Variants in ROBO2 observed in about 807,000 individuals in gnomAD.
ROBO2 encodes roundabout guidance receptor 2.
In ROBO2, 53 loss-of-function variants were observed where a neutral mutation model predicts 160.8. The observed-to-expected ratio is 0.33, with a 90% CI of 0.26 to 0.41. ROBO2 has a LOEUF of 0.41. ROBO2 is among the 10% of genes least tolerant of loss of function. The pLI is 1.00. For synonymous variants in ROBO2, 664 were observed against 611.7 expected, an observed-to-expected ratio of 1.09 and a Z score of -1.26; for missense variants, 1,577 against 1,722.4, an observed-to-expected ratio of 0.92 and a Z score of 1.49.
intron 2 of ROBO2, among the ~76,000 whole-genome samples, chr3:75,956,813 G>A (rs1188043129): frequency 2.0e-5 from 3 of 151,752 alleles, no homozygotes; most frequent in Admixed American, 1.3e-4. Context: ...TTGAATGGCA[G>A]CTCTTTTATT....
At chr3:76,406,793 T>C (rs1368515057) in intron 2 of ROBO2, among the ~76,000 whole-genome samples, 1 of 151,944 alleles carries the variant, frequency 6.6e-6, no homozygotes, top group Non-Finnish European at 1.5e-5. Flanking sequence ...TTTTTGTAGG[T>C]CCAGTCTATT....
Position 77,415,047 on chromosome 3 carries a change from A to T in ROBO2, c.389-62367A>T, listed in dbSNP as rs139875528. Among the ~76,000 whole-genome samples, 235 of 152,338 alleles carry T rather than the reference A, an allele frequency of 1.5e-3. 4 individuals carry two copies. The East Asian group carries it at 0.038, about 24-fold the overall frequency. On this transcript the variant is annotated intron_variant, in intron 2 of 25. Coordinates refer to ENST00000461745, the Ensembl canonical transcript of ROBO2. ...TTGAGGACTGCTCACTCCACCCATG[A>T]TCCCACAACAGGAAAGAATATTTAA...
At chr3:77,376,404 C>G (rs959018764) in intron 2 of ROBO2, among the ~76,000 whole-genome samples, 1 of 151,952 alleles carries the variant, frequency 6.6e-6, no homozygotes, top group African/African-American at 2.4e-5. Context: ...GTGATCCACC[C>G]ACCTCAGCCT....
At chr3:77,278,481 G>T (rs1012384992) in intron 2 of ROBO2, among the ~76,000 whole-genome samples, 18 of 152,082 alleles carry the variant, frequency 1.2e-4, no homozygotes, top group Non-Finnish European at 2.5e-4. Context: ...GCTAATTTAT[G>T]CAAGATGATG....
chr3:76,060,222 C>A (rs1456214069), intron 2 of ROBO2, among the ~76,000 whole-genome samples: 5 of 151,926 alleles, frequency 3.3e-5, no homozygotes, highest in Non-Finnish European at 7.4e-5. Flanking sequence ...AAATTATTAG[C>A]AATCACATCT....
At chr3:77,294,101 A>C (rs1234568863) in intron 2 of ROBO2, among the ~76,000 whole-genome samples, 1 of 141,584 alleles carries the variant, frequency 7.1e-6, no homozygotes, top group African/African-American at 2.6e-5. Flanking sequence ...TTGATGGTTA[A>C]ACGGGTAAGC....
intron 2 of ROBO2, among the ~76,000 whole-genome samples, chr3:77,118,418 T>G (rs1212637406): frequency 6.6e-6 from 1 of 152,178 alleles, no homozygotes; most frequent in African/African-American, 2.4e-5. Flanking sequence ...ATTGTAACAT[T>G]TTTTCCTTAA....
chr3:76,835,142 A>T (rs908044966), intron 2 of ROBO2, among the ~76,000 whole-genome samples: 2 of 151,942 alleles, frequency 1.3e-5, no homozygotes, highest in Non-Finnish European at 2.9e-5. Flanking sequence ...CCTTGCTAGT[A>T]AACTGTTCAT....
chr3:77,546,086 A>G (rs985838832), intron 6 of ROBO2, among the ~76,000 whole-genome samples: 1 of 152,144 alleles, frequency 6.6e-6, no homozygotes, highest in African/African-American at 2.4e-5. Flanking sequence ...TTTTCTATGC[A>G]AGTATATGTA....
intron 2 of ROBO2, among the ~76,000 whole-genome samples, chr3:76,602,527 T>C (rs1274032271): frequency 1.3e-5 from 2 of 152,242 alleles, no homozygotes; most frequent in African/African-American, 4.8e-5. Flanking sequence ...CCATCTTACA[T>C]GGCAGCAGAC....
intron 2 of ROBO2, among the ~76,000 whole-genome samples, chr3:76,760,073 A>T (rs2108357912): frequency 6.6e-6 from 1 of 151,922 alleles, no homozygotes; most frequent in African/African-American, 2.4e-5. Flanking sequence ...TATGTGAAGC[A>T]AAAGAGTGGA....
intron 1 of ROBO2, among the ~76,000 whole-genome samples, chr3:75,925,110 C>T (rs1947234895): frequency 6.6e-6 from 1 of 151,562 alleles, no homozygotes; most frequent in Non-Finnish European, 1.5e-5. Context: ...CGGGCGGGGC[C>T]GGCTGGGCAC....
chr3:77,144,991 T>C (rs1206756932), intron 2 of ROBO2, among the ~76,000 whole-genome samples: 1 of 152,150 alleles, frequency 6.6e-6, no homozygotes, highest in Non-Finnish European at 1.5e-5. Context: ...TGATAGGAAG[T>C]AGTCAGTTGC....
chr3:77,495,332 A>G (rs560151587), intron 5 of ROBO2, among the ~76,000 whole-genome samples: 10 of 152,362 alleles, frequency 6.6e-5, no homozygotes, highest in African/African-American at 2.2e-4. Context: ...CATTTACACT[A>G]CACCCAGTTT....
intron 2 of ROBO2, among the ~76,000 whole-genome samples, chr3:76,498,752 G>T (rs185161647): frequency 1.5e-3 from 222 of 144,908 alleles, no homozygotes; most frequent in African/African-American, 5.6e-3. Flanking sequence ...GCACAATCTC[G>T]ACTCACTGCC....
At chr3:77,438,278 A>T (rs937193296) in intron 2 of ROBO2, among the ~76,000 whole-genome samples, 1 of 151,916 alleles carries the variant, frequency 6.6e-6, no homozygotes, top group Non-Finnish European at 1.5e-5. Flanking sequence ...TCTGAGAGGG[A>T]TGAGCAAATG....
At chr3:77,168,333 G>A (rs964943007) in intron 2 of ROBO2, among the ~76,000 whole-genome samples, 2 of 152,122 alleles carry the variant, frequency 1.3e-5, no homozygotes, top group African/African-American at 4.8e-5. Context: ...GCTATATACA[G>A]TTAAAAATGA....
chr3:75,988,412 C>T (rs1576393539), intron 2 of ROBO2, among the ~76,000 whole-genome samples: 2 of 152,110 alleles, frequency 1.3e-5, no homozygotes, highest in African/African-American at 4.8e-5. Flanking sequence ...TTTGAGCCTT[C>T]ATTCTTTTTA....
At chr3:77,098,208 C>A in exon 2 of ROBO2, 1 of 1,614,150 alleles carries the variant, frequency 6.2e-7, no homozygotes, top group Non-Finnish European at 8.5e-7. Context: ...GATGCTTCTG[C>A]CCAGCGGATC....
Sources: allele counts gnomAD v4.1 joint callset (sites outside exome capture counted in the v4.1 genomes callset), GRCh38; gene constraint gnomAD v4.1.1; transcripts MANE v1.5; gene names NCBI Gene and HGNC (gene_info 2026-07-23, HGNC 2026-07-21).